ERBB3: variants seen among roughly 807,000 people sequenced by gnomAD.
ERBB3 encodes the protein erb-b2 receptor tyrosine kinase 3, also known as receptor tyrosine-protein kinase erbB-3.
Under a neutral mutation model 156.7 loss-of-function variants are expected in ERBB3, and 96 were observed. The ratio of observed to expected loss-of-function variants is 0.61; its 90% confidence interval spans 0.52 to 0.73. ERBB3 has a LOEUF of 0.73. Among genes scored for constraint, ERBB3 ranks in the 30% least tolerant of loss-of-function variants. The probability of loss-of-function intolerance (pLI) is 0.00; values close to 1 mark genes in which losing one functional copy is unlikely to be tolerated. For synonymous variants in ERBB3, 567 were observed against 632.0 expected, an observed-to-expected ratio of 0.90 and a Z score of 1.54; for missense variants, 1,406 against 1,709.4, an observed-to-expected ratio of 0.82 and a Z score of 3.13.
At chr12:56,090,490 A>G (rs1356511758) in intron 9 of ERBB3, among the ~76,000 whole-genome samples, 1 of 152,098 alleles carries the variant, frequency 6.6e-6, no homozygotes, top group Admixed American at 6.6e-5. Context: ...CTAAAAATAC[A>G]AAAATTAGCT....
Position 56,088,154 on chromosome 12 carries a change from G to T in ERBB3, c.866G>T (p.Ser289Ile), listed in dbSNP as rs1868550470. The T allele has an allele frequency of 6.2e-7, 1 of 1,614,170 alleles. No individual in the cohort carries two copies. Among genetic ancestry groups the T allele is most frequent in the Non-Finnish European group, 8.5e-7 (1 of 1,180,018 alleles). ...KYQYGGVCVA[S>I]CPHNFVVDQT... ...CAGTATGGAGGAGTTTGTGTAGCCA[G>T]CTGTCCCCGTAAGTGTCTGAGGGGA... The change falls in exon 7 of 28, where the codon AGC (serine) becomes ATC (isoleucine). Residue 289 changes from serine to isoleucine, a missense_variant. Physicochemically the swap from Ser to Ile is moderately radical, Grantham distance 142. Transcript: ENST00000267101.
intron 21 of ERBB3, chr12:56,098,220 C>G: frequency 1.8e-6 from 1 of 544,710 alleles, no homozygotes; most frequent in South Asian, 2.1e-5. Flanking sequence ...CTGGCTAGCA[C>G]GGTGAAACCC....
At chr12:56,085,851 C>T (rs1415597429) in intron 3 of ERBB3, among the ~76,000 whole-genome samples, 86 of 150,568 alleles carry the variant, frequency 5.7e-4, no homozygotes, top group Admixed American at 1.6e-3. Flanking sequence ...AGGTGGATCA[C>T]AAGGTCAGGA....
intron 2 of ERBB3, among the ~76,000 whole-genome samples, chr12:56,084,579 G>A (rs1220761494): frequency 7.0e-6 from 1 of 142,542 alleles, no homozygotes; most frequent in Admixed American, 7.4e-5. Context: ...ACTCGTAACA[G>A]AGCGAGACCC....
chr12:56,099,834 A>C lies in ERBB3; in HGVS notation c.2938-4A>C. The C allele has an allele frequency of 1.2e-6, 2 of 1,613,788 alleles. No homozygotes were observed. The highest frequency in any genetic ancestry group is 1.7e-6 in the Non-Finnish European group (2 of 1,179,842). On this transcript the variant is annotated splice_polypyrimidine_tract_variant and splice_region_variant and intron_variant, in intron 24 of 27. Coordinates refer to ENST00000267101, the MANE Select transcript of ERBB3 (RefSeq NM_001982.4). Reference sequence around the variant, plus strand: ...TTCCCCCTAACAATCACCTATCGATATAGAGAGAGAGTGGGCCTGGAATAG... The same window carrying C: ...TTCCCCCTAACAATCACCTATCGATCTAGAGAGAGAGTGGGCCTGGAATAG...
At chr12:56,098,986 C>T (rs2136823547) in intron 23 of ERBB3, 81 bp downstream of exon 23, 5 of 1,323,416 alleles carry the variant, frequency 3.8e-6, no homozygotes, top group Non-Finnish European at 5.2e-6. Flanking sequence ...CAGAGTCTCA[C>T]AATTGTCACC....
chr12:56,088,601 A>G lies in ERBB3; in HGVS notation c.933A>G (p.Glu311=). ...CVRACPPDKM[E]VDKNGLKMCE... is the part of the protein sequence containing the mutation. Reference sequence around the variant, plus strand: ...GGGCCTGTCCTCCTGACAAGATGGAAGTAGATAAAAATGGGCTCAAGATGT... The same window carrying G: ...GGGCCTGTCCTCCTGACAAGATGGAGGTAGATAAAAATGGGCTCAAGATGT... Residue 311 remains glutamate (E), a synonymous_variant, in exon 8 of 28, where the codon GAA becomes GAG. Transcript: ENST00000267101. 1 of 1,614,172 alleles carries G rather than the reference A, an allele frequency of 6.2e-7. No homozygotes were observed. The highest frequency in any genetic ancestry group is 1.6e-4 in the Middle Eastern group (1 of 6,062).
chr12:56,096,063 G>C (rs1482438429), intron 17 of ERBB3: 37 of 569,582 alleles, frequency 6.5e-5, no homozygotes, highest in Non-Finnish European at 2.8e-5. Context: ...ACATGACTTT[G>C]AAGAAGTTAC....
In ERBB3 at chr12:56,100,292, G is replaced by A. The variant is rs770469285; in HGVS notation, c.3201+47G>A. The A allele has an allele frequency of 7.8e-6, 11 of 1,407,436 alleles. 1 individual carries two copies. Among genetic ancestry groups the A allele is most frequent in the East Asian group, 4.6e-5 (2 of 43,904 alleles). The allele number at this position is 1,407,436 out of a possible 1,614,324, so 87.2% of individuals were successfully genotyped here. A position where few individuals can be genotyped will look rare whatever the true frequency, so the allele number is the denominator to read the frequency against. ...CTGGGTTTTAGGATCAGATTGATAC[G>A]AGTAGTATGGAAGACATTAGAAACC... is the stretch of plus-strand genomic sequence containing the variant. On this transcript the variant is annotated intron_variant, in intron 26 of 27. Transcript: ENST00000267101.
At chr12:56,097,405 G>T (rs1463259579) in intron 20 of ERBB3, among the ~76,000 whole-genome samples, 175 bp downstream of exon 20, 1 of 152,186 alleles carries the variant, frequency 6.6e-6, no homozygotes. Context: ...CGGCAGGCAA[G>T]CGAGTGAAGC....
chr12:56,096,871 C>T lies in ERBB3; in HGVS notation c.2274+25C>T, dbSNP rs764987438. ...TGTAAGTGAAGGAAATTCTGTATGC[C>T]GCTAGGAGAGAGGACAATATTAGAT... On this transcript the variant is annotated intron_variant, in intron 19 of 27. Coordinates refer to ENST00000267101, the MANE Select transcript of ERBB3 (RefSeq NM_001982.4). 3.0e-5 allele frequency: 46 copies of T among 1,549,194 alleles called. 1 individual carries two copies. Among genetic ancestry groups the T allele is most frequent in the South Asian group, 2.0e-4 (18 of 89,848 alleles).
chr12:56,093,637 A>G, intron 12 of ERBB3, 87 bp downstream of exon 12: 1 of 1,556,246 alleles, frequency 6.4e-7, no homozygotes, highest in Non-Finnish European at 8.8e-7. Flanking sequence ...ACGTGGGAGT[A>G]GGGTTGAGGG....
chr12:56,083,662 G>A (rs1270881960), intron 1 of ERBB3, 89 bp from the exon 2 acceptor site: 2 of 1,483,498 alleles, frequency 1.3e-6, no homozygotes, highest in African/African-American at 2.8e-5. Context: ...AACTGGAAGA[G>A]GGCAACCAAG....
chr12:56,088,122 C>A lies in ERBB3; in HGVS notation c.834C>A (p.Thr278=), dbSNP rs374000753. 7.4e-6 allele frequency: 12 copies of A among 1,614,022 alleles called. 2 individuals carry two copies. The Middle Eastern group carries it at 6.6e-4, about 88-fold the overall frequency. ...LTFQLEPNPH[T]KYQYGGVCVA... ...TCCAGCTGGAACCCAATCCCCACAC[C>A]AAGTATCAGTATGGAGGAGTTTGTG... Residue 278 remains threonine (T), a synonymous_variant, in exon 7 of 28, where the codon ACC becomes ACA. Transcript: ENST00000267101.
chr12:56,087,642 T>C lies in ERBB3; in HGVS notation c.613T>C (p.Leu205=). 1 of 1,613,966 alleles carries C rather than the reference T, an allele frequency of 6.2e-7. No individual in the cohort carries two copies. Among genetic ancestry groups the C allele is most frequent in the Non-Finnish European group, 8.5e-7 (1 of 1,179,884 alleles). ...TCCTGGATCAGAAGACTGCCAGACA[T>C]GTGGGTTTGAAATTCCCTCCAAAAA... is the stretch of plus-strand genomic sequence containing the variant. The part of the protein sequence containing the change: ...WGPGSEDCQT[L]TKTICAPQCN... Residue 205 remains leucine, a splice_region_variant and synonymous_variant, in exon 5 of 28, where the codon TTG becomes CTG. Coordinates refer to ENST00000267101, the MANE Select transcript of ERBB3 (RefSeq NM_001982.4).
chr12:56,101,591 G>A lies in ERBB3; in HGVS notation c.3565G>A (p.Glu1189Lys). ...SVGLSSVLGT[E>K]EEDEDEEYEY... is the part of the protein sequence containing the mutation. ...GGGTCTCAGTTCTGTCCTGGGTACT[G>A]AAGAAGAAGATGAAGATGAGGAGTA... Residue 1189 changes from glutamate to lysine, a missense_variant, in exon 28 of 28, where the codon GAA becomes AAA. By Grantham distance (56) the Glu-to-Lys change is moderately conservative. Around this residue, in one of 3 missense-constraint regions of ERBB3, gnomAD observed 415 missense variants for 454.1 expected, o/e 0.91. Transcript: ENST00000267101. The A allele has an allele frequency of 6.2e-7, 1 of 1,613,836 alleles. No homozygotes were observed. Among genetic ancestry groups the A allele is most frequent in the South Asian group, 1.1e-5 (1 of 91,068 alleles).
chr12:56,087,446 A>G lies in ERBB3; in HGVS notation c.548-131A>G, dbSNP rs1868522801. The stretch of plus-strand genomic sequence containing the variant: ...GAGCCCAGCCCTGCTCTCCAAGGGC[A>G]GGGAGGGACACAGCCCTGGCTTTTT... On this transcript the variant is annotated intron_variant, in intron 4 of 27. Transcript: ENST00000267101. 7.3e-6 allele frequency: 6 copies of G among 822,960 alleles called. No homozygotes were observed. In the South Asian group the frequency reaches 8.2e-5, roughly 11 times the overall value. 51.0% of individuals were successfully genotyped at this position (822,960 alleles called of 1,614,324 possible).
chr12:56,098,112 A>G, intron 21 of ERBB3, 172 bp downstream of exon 21: 2 of 695,212 alleles, frequency 2.9e-6, no homozygotes, highest in Non-Finnish European at 4.7e-6. Context: ...AATGATCAAG[A>G]ACTTGGGACT....
At position 56,093,409 on chromosome 12, in the gene ERBB3, A is replaced by G; in HGVS notation, c.1339A>G (p.Lys447Glu). 6.2e-7 allele frequency: 1 copy of G among 1,614,048 alleles called. No homozygotes were observed. Residue 447 changes from lysine (K) to glutamate (E), a missense_variant, in exon 12 of 28, where the codon AAG becomes GAG. Coordinates refer to ENST00000267101, the MANE Select transcript of ERBB3 (RefSeq NM_001982.4). ...NVTSLGFRSLKEISAGRIYIS... is the reference protein window; with the variant it reads ...NVTSLGFRSLEEISAGRIYIS... ...CACATCTCTGGGCTTCCGATCCCTGAAGGAAATTAGTGCTGGGCGTATCTA... is the reference window on the plus strand; with the variant it reads ...CACATCTCTGGGCTTCCGATCCCTGGAGGAAATTAGTGCTGGGCGTATCTA...
Sources: gnomAD v4.1 joint callset for allele counts (sites outside exome capture counted in the v4.1 genomes callset) on GRCh38, gnomAD v4.1.1 for gene constraint, gnomAD v4.1.1 regional missense constraint, MANE v1.5 for transcripts, NCBI Gene and HGNC (gene_info 2026-07-23, HGNC 2026-07-21) for gene names.